Variants in DNAH8 observed in about 807,000 individuals in gnomAD.
DNAH8 encodes dynein axonemal heavy chain 8.
Under a neutral mutation model 562.1 loss-of-function variants are expected in DNAH8, and 382 were observed. That is an observed-to-expected ratio of 0.68 (90% CI 0.63 to 0.74). The LOEUF (loss-of-function observed/expected upper bound fraction) is 0.74, where lower values mean the gene tolerates loss of function less well. DNAH8 is among the 30% of genes least tolerant of loss of function. DNAH8 has a pLI of 0.00. For synonymous variants in DNAH8, 1,881 were observed against 1,919.4 expected (o/e 0.98, Z 0.52); for missense variants, 5,203 against 5,620.4 (o/e 0.93, Z 2.37).
chr6:38,746,949 G>T (rs1186795234), intron 8 of DNAH8, among the ~76,000 whole-genome samples: 4 of 152,118 alleles, frequency 2.6e-5, no homozygotes, highest in African/African-American at 7.2e-5. Context: ...AAAAAAAGAA[G>T]AATAAATTAA....
At position 38,789,918 on chromosome 6, in the gene DNAH8, G is replaced by A. The variant is rs369307705; in HGVS notation, c.2664+35G>A. The A allele has an allele frequency of 1.3e-5, 19 of 1,502,748 alleles. No homozygotes were observed. The South Asian group carries it at 2.1e-4, about 16-fold the overall frequency. 93.1% of individuals were successfully genotyped at this position (1,502,748 alleles called of 1,614,324 possible). ...GCTGAAGGTTTGTATTGATTTTCCT[G>A]TTATTTAAAATTAGATTTCGGTTCT... On this transcript the variant is annotated intron_variant, in intron 19 of 92. Transcript: ENST00000327475.
intron 41 of DNAH8, among the ~76,000 whole-genome samples, chr6:38,855,644 A>ATGTT (rs1161040143): frequency 2.2e-4 from 33 of 152,144 alleles, no homozygotes; most frequent in African/African-American, 7.5e-4. Flanking sequence ...TGTGTTGGGA[A>ATGTT]CATTCAATAT....
intron 16 of DNAH8, 104 bp downstream of exon 16, chr6:38,781,477 G>A: frequency 7.5e-7 from 1 of 1,324,536 alleles, no homozygotes; most frequent in South Asian, 1.6e-5. Context: ...CCAACAACGA[G>A]CCAATTCTTT....
chr6:38,837,089 C>T (rs1274467496), intron 32 of DNAH8, among the ~76,000 whole-genome samples: 2 of 152,166 alleles, frequency 1.3e-5, no homozygotes, highest in Non-Finnish European at 2.9e-5. Flanking sequence ...CCATGCCAAC[C>T]ACCAAGGAAT....
chr6:38,976,965 C>T (rs961810531), intron 85 of DNAH8, among the ~76,000 whole-genome samples: 1 of 152,208 alleles, frequency 6.6e-6, no homozygotes, highest in East Asian at 1.9e-4. Flanking sequence ...ATAGCCAACT[C>T]CCTGCCTGCT....
intron 73 of DNAH8, among the ~76,000 whole-genome samples, chr6:38,924,616 T>C (rs115459120): frequency 0.011 from 1,739 of 152,298 alleles, 25 homozygotes; most frequent in Middle Eastern, 0.037. Flanking sequence ...GGTATAAATG[T>C]TTCTTTGCGT....
chr6:38,939,725 T>G (rs1407953192), intron 79 of DNAH8, among the ~76,000 whole-genome samples: 2 of 152,186 alleles, frequency 1.3e-5, no homozygotes, highest in Non-Finnish European at 2.9e-5. Flanking sequence ...AAGCCATGAA[T>G]TGGGGAACTA....
intron 26 of DNAH8, among the ~76,000 whole-genome samples, chr6:38,818,536 G>GAAAAAAAAAAAAAAAAAAAAAAAAA (rs1562891460): frequency 5.8e-5 from 1 of 17,218 alleles, no homozygotes; most frequent in Non-Finnish European, 1.1e-4. Context: ...AAAAGCAAAA[G>GAAAAAAAAAAAAAAAAAAAAAAAAA]CAAAAAAAAA....
Position 38,906,282 on chromosome 6 carries a change from G to C in DNAH8, c.9223G>C (p.Asp3075His). 1 of 1,600,372 alleles carries C rather than the reference G, an allele frequency of 6.2e-7. No homozygotes were observed. Among genetic ancestry groups the C allele is most frequent in the Non-Finnish European group, 8.5e-7 (1 of 1,171,100 alleles). Residue 3075 changes from aspartate (D) to histidine (H), a missense_variant, in exon 63 of 93, where the codon GAT (aspartate) becomes CAT (histidine). By Grantham distance (81) the Asp-to-His change is moderately conservative. Transcript: ENST00000327475. ...RSYNVTNLTD[D>H]LKALYKVAGA... ...TTACAATGTGACTAATCTAACAGAT[G>C]ATTTAAAAGCTTTGTACAAAGTTGC...
chr6:38,845,151 C>A (rs1191278328), intron 35 of DNAH8, among the ~76,000 whole-genome samples: 1 of 151,822 alleles, frequency 6.6e-6, no homozygotes, highest in Non-Finnish European at 1.5e-5. Flanking sequence ...ATATTAGGAC[C>A]AGAACAGGCA....
intron 56 of DNAH8, among the ~76,000 whole-genome samples, chr6:38,884,578 G>C (rs1357438149): frequency 6.6e-6 from 1 of 152,098 alleles, no homozygotes. Context: ...ACAGGCATGA[G>C]CCATCACACC....
In DNAH8 at chr6:38,852,757, C is replaced by T. The variant is rs747954312; in HGVS notation, c.5530C>T (p.Arg1844Cys). The change falls in exon 40 of 93, where the codon CGC becomes TGC. Residue 1844 changes from arginine (R) to cysteine (C), a missense_variant. By Grantham distance (180) the Arg-to-Cys change is radical. Coordinates refer to ENST00000327475, the MANE Select transcript of DNAH8 (RefSeq NM_001206927.2). ...EVTFHAKDYD[R>C]IMAVISREGE... ...GACATTTCATGCAAAAGACTATGATCGCATCATGGCCGTCATATCAAGAGA... is the reference window on the plus strand; with the variant it reads ...GACATTTCATGCAAAAGACTATGATTGCATCATGGCCGTCATATCAAGAGA... 3.2e-5 allele frequency: 52 copies of T among 1,613,416 alleles called. No individual in the cohort carries two copies. The highest frequency in any genetic ancestry group is 8.3e-5 in the Admixed American group (5 of 59,974).
Position 38,896,142 on chromosome 6 carries a change from G to A in DNAH8, c.8857G>A (p.Val2953Met). 6.2e-7 allele frequency: 1 copy of A among 1,614,088 alleles called. No individual in the cohort carries two copies. Residue 2953 changes from valine to methionine, a missense_variant, in exon 60 of 93, where the codon GTG (valine) becomes ATG (methionine). Around this residue, in one of 6 missense-constraint regions of DNAH8, gnomAD observed 977 missense variants for 1,061.8 expected, o/e 0.92. Transcript: ENST00000327475. ...ASCILPEPYFVDFLREMPEPT... is the reference protein window; with the variant it reads ...ASCILPEPYFMDFLREMPEPT... ...GTGTATTCTTCCTGAACCATACTTT[G>A]TGGATTTTCTTCGTGAGATGCCAGA... is the stretch of plus-strand genomic sequence containing the variant.
chr6:38,909,704 C>A lies in DNAH8; in HGVS notation c.9700C>A (p.His3234Asn). The change falls in exon 65 of 93, where the codon CAT becomes AAT. Residue 3234 changes from histidine to asparagine, a missense_variant. His to Asn is a moderately conservative substitution (Grantham distance 68). This residue lies in a region of DNAH8 where 977 missense variants were observed against 1,061.8 expected (regional missense o/e 0.92). Transcript: ENST00000327475. The part of the protein sequence containing the change: ...RQVVETMGLF[H>N]DMVSESCESY... ...AGTTGTAGAAACAATGGGCCTGTTT[C>A]ATGACATGGTTTCAGAGAGCTGTGA... 6.2e-7 allele frequency: 1 copy of A among 1,614,082 alleles called. No individual in the cohort carries two copies. Among genetic ancestry groups the A allele is most frequent in the African/African-American group, 1.3e-5 (1 of 75,040 alleles).
At chr6:38,863,768 A>G in intron 44 of DNAH8, 105 bp from the exon 45 acceptor site, 1 of 867,626 alleles carries the variant, frequency 1.2e-6, no homozygotes, top group Non-Finnish European at 1.8e-6. Context: ...ACTTTACATA[A>G]TCCCGTTTCA....
chr6:38,894,206 A>G (rs1170523064), intron 58 of DNAH8, among the ~76,000 whole-genome samples: 1 of 152,246 alleles, frequency 6.6e-6, no homozygotes, highest in Non-Finnish European at 1.5e-5. Context: ...AGATATATTT[A>G]TGGAAATCCT....
intron 47 of DNAH8, among the ~76,000 whole-genome samples, chr6:38,867,752 CAAAAAAA>C (rs68060910): frequency 1.1e-5 from 1 of 88,802 alleles, no homozygotes. Context: ...GACTCCATCT[CAAAAAAA>C]AAAAAAAAAA....
rs1562740858 is a variant in DNAH8, at chr6:38,775,750, T to TAA, written c.1765-3_1765-2dup. 6.4e-7 allele frequency: 1 copy of TAA among 1,559,756 alleles called. No homozygotes were observed. Among genetic ancestry groups the TAA allele is most frequent in the East Asian group, 2.3e-5 (1 of 44,344 alleles). ...AAAAGCAAAATAACATTTCTCTTTT[T>TAA]AAGATTACAGAAATGATAACTGTTG... On this transcript the variant is annotated splice_region_variant and splice_polypyrimidine_tract_variant and intron_variant, in intron 12 of 92. Coordinates refer to ENST00000327475, the MANE Select transcript of DNAH8 (RefSeq NM_001206927.2).
chr6:38,994,773 T>C (rs1765027809), intron 88 of DNAH8, among the ~76,000 whole-genome samples: 1 of 151,338 alleles, frequency 6.6e-6, no homozygotes, highest in South Asian at 2.1e-4. Context: ...GCCTCCTGAG[T>C]AGATGGGATT....
Sources: gnomAD v4.1 joint callset for allele counts (sites outside exome capture counted in the v4.1 genomes callset) on GRCh38, gnomAD v4.1.1 for gene constraint, gnomAD v4.1.1 regional missense constraint, MANE v1.5 for transcripts, NCBI Gene and HGNC (gene_info 2026-07-23, HGNC 2026-07-21) for gene names.